CDH2: variants seen among roughly 807,000 people sequenced by gnomAD.
CDH2 encodes cadherin 2.
A neutral mutation model predicts 92.0 loss-of-function variants in CDH2; 17 were observed. That is an observed-to-expected ratio of 0.18 (90% CI 0.13 to 0.28). CDH2 has a LOEUF of 0.28. Ranked by LOEUF, CDH2 falls within the 10% of genes least tolerant of loss-of-function variation. CDH2 has a pLI of 1.00. For synonymous variants in CDH2, 419 were observed against 415.9 expected, an observed-to-expected ratio of 1.01 and a Z score of -0.09; for missense variants, 862 against 1,133.1, an observed-to-expected ratio of 0.76 and a Z score of 3.44.
intron 2 of CDH2, among the ~76,000 whole-genome samples, chr18:28,038,619 C>T (rs1318204962): frequency 6.6e-6 from 1 of 151,950 alleles, no homozygotes; most frequent in Non-Finnish European, 1.5e-5. Flanking sequence ...AGTGAAATCT[C>T]TCAGGTAGAA....
chr18:27,959,926 G>C (rs562834971), intron 15 of CDH2, among the ~76,000 whole-genome samples: 1 of 151,924 alleles, frequency 6.6e-6, no homozygotes, highest in Non-Finnish European at 1.5e-5. Flanking sequence ...GAGGATGGAG[G>C]ATGGCTTGAC....
chr18:28,155,286 A>G (rs2016190422), intron 1 of CDH2, among the ~76,000 whole-genome samples: 2 of 152,114 alleles, frequency 1.3e-5, no homozygotes, highest in Non-Finnish European at 2.9e-5. Flanking sequence ...AATAATAATA[A>G]TAGCTAAAGT....
chr18:27,952,170 C>T lies in CDH2; in HGVS notation c.2704G>A (p.Gly902Ser). 1 of 1,613,482 alleles carries T rather than the reference C, an allele frequency of 6.2e-7. No individual in the cohort carries two copies. The highest frequency in any genetic ancestry group is 8.5e-7 in the Non-Finnish European group (1 of 1,179,564). Residue 902 changes from glycine to serine, a missense_variant, in exon 16 of 16, where the codon GGT becomes AGT. By Grantham distance (56) the Gly-to-Ser change is moderately conservative. Coordinates refer to ENST00000269141, the MANE Select transcript of CDH2 (RefSeq NM_001792.5). ...CCTGAAGTTCAGTCATCACCTCCAC[C>T]ATACATGTCAGCAAGTTTCTTGAAC... ...PRFKKLADMY[G>S]GGDD
At chr18:28,062,064 T>A (rs1228796819) in intron 2 of CDH2, among the ~76,000 whole-genome samples, 1 of 152,208 alleles carries the variant, frequency 6.6e-6, no homozygotes, top group Non-Finnish European at 1.5e-5. Flanking sequence ...CTTCCTTAGA[T>A]GGATGTACCA....
intron 2 of CDH2, among the ~76,000 whole-genome samples, chr18:28,020,834 A>G (rs2013390084): frequency 6.6e-6 from 1 of 152,000 alleles, no homozygotes; most frequent in African/African-American, 2.4e-5. Flanking sequence ...ATGCATTGTT[A>G]TTTATTTGTC....
chr18:28,031,491 TAC>T (rs1161848303), intron 2 of CDH2, among the ~76,000 whole-genome samples: 1 of 152,092 alleles, frequency 6.6e-6, no homozygotes, highest in African/African-American at 2.4e-5. Flanking sequence ...AGGTTCCTAC[TAC>T]ACACAGAACA....
At chr18:27,983,136 C>A in intron 13 of CDH2, 53 bp from the exon 14 acceptor site, 2 of 1,434,132 alleles carry the variant, frequency 1.4e-6, no homozygotes. Context: ...AAAGCCTGGC[C>A]TATTTAGTCA....
At chr18:27,977,418 G>A (rs2011870391) in intron 14 of CDH2, among the ~76,000 whole-genome samples, 1 of 151,306 alleles carries the variant, frequency 6.6e-6, no homozygotes, top group South Asian at 2.1e-4. Context: ...TTTTGTTAAA[G>A]AAATTAGCAA....
intron 1 of CDH2, 130 bp downstream of exon 1, chr18:28,176,823 CGCGCGGCGCG>C (rs776383044): frequency 2.5e-5 from 7 of 278,888 alleles, no homozygotes; most frequent in South Asian, 1.4e-4. Context: ...AGCTACCGGC[CGCGCGGCGCG>C]GCGCGGCGCG....
At chr18:27,984,946 G>A in intron 13 of CDH2, 54 bp downstream of exon 13, 1 of 1,407,812 alleles carries the variant, frequency 7.1e-7, no homozygotes. Flanking sequence ...TGACTTTGCT[G>A]AACATCCTAG....
At chr18:28,132,655 G>A (rs2015791950) in intron 2 of CDH2, among the ~76,000 whole-genome samples, 1 of 152,148 alleles carries the variant, frequency 6.6e-6, no homozygotes, top group African/African-American at 2.4e-5. Context: ...CCCTCCTAAA[G>A]CTATGGATGG....
chr18:28,168,985 T>C (rs1051992095), intron 1 of CDH2, among the ~76,000 whole-genome samples: 2 of 152,140 alleles, frequency 1.3e-5, no homozygotes, highest in South Asian at 2.1e-4. Flanking sequence ...TGGATTCTCA[T>C]ATTCAGAATG....
At chr18:27,973,589 G>C (rs1599000376) in intron 14 of CDH2, among the ~76,000 whole-genome samples, 1 of 152,300 alleles carries the variant, frequency 6.6e-6, no homozygotes, top group East Asian at 1.9e-4. Flanking sequence ...GGTCAGAACA[G>C]TGCAACCCAT....
intron 1 of CDH2, among the ~76,000 whole-genome samples, chr18:28,175,213 T>TC (rs2016519522): frequency 6.6e-6 from 1 of 152,024 alleles, no homozygotes; most frequent in Non-Finnish European, 1.5e-5. Context: ...GCAGGTCTCC[T>TC]CCCCCAAGTT....
At chr18:28,118,510 G>A (rs1048856466) in intron 2 of CDH2, among the ~76,000 whole-genome samples, 86 of 151,744 alleles carry the variant, frequency 5.7e-4, no homozygotes, top group African/African-American at 2.1e-3. Flanking sequence ...GACAAAACTG[G>A]GTGAGCCAAG....
chr18:28,050,322 C>T (rs750803931), intron 2 of CDH2, among the ~76,000 whole-genome samples: 10 of 152,046 alleles, frequency 6.6e-5, no homozygotes, highest in Non-Finnish European at 1.5e-4. Context: ...TAGTTATAAG[C>T]CTTAGTATTA....
At chr18:28,123,220 A>T (rs938180783) in intron 2 of CDH2, among the ~76,000 whole-genome samples, 3 of 152,186 alleles carry the variant, frequency 2.0e-5, no homozygotes, top group Non-Finnish European at 4.4e-5. Context: ...CAATTCAGAA[A>T]GAAAGTACAA....
chr18:28,055,052 A>G (rs2014265305), intron 2 of CDH2, among the ~76,000 whole-genome samples: 1 of 152,222 alleles, frequency 6.6e-6, no homozygotes, highest in South Asian at 2.1e-4. Flanking sequence ...TTAAATTTAT[A>G]TAACATGCCT....
chr18:27,964,911 C>T (rs963185676), intron 14 of CDH2, among the ~76,000 whole-genome samples: 19 of 152,152 alleles, frequency 1.2e-4, no homozygotes, highest in East Asian at 1.2e-3. Context: ...ACTAGATAAA[C>T]GAGCTTGAGC....
Sources: gnomAD v4.1 joint callset for allele counts (sites outside exome capture counted in the v4.1 genomes callset) on GRCh38, gnomAD v4.1.1 for gene constraint, MANE v1.5 for transcripts, NCBI Gene and HGNC (gene_info 2026-07-23, HGNC 2026-07-21) for gene names.